B3GALT1: variants seen among roughly 807,000 people sequenced by gnomAD.
B3GALT1 encodes UDP-Gal:betaGlcNAc beta 1,3-galactosyltransferase, polypeptide 1.
A neutral mutation model predicts 23.2 loss-of-function variants in B3GALT1; 10 were observed. That is an observed-to-expected ratio of 0.43 (90% CI 0.27 to 0.73). B3GALT1 has a LOEUF of 0.73. B3GALT1 is among the 30% of genes least tolerant of loss of function. The pLI, the probability that B3GALT1 is intolerant of heterozygous loss-of-function variation, is 0.21. For missense variants in B3GALT1, 299 were observed against 405.4 expected, an observed-to-expected ratio of 0.74 and a Z score of 2.25; for synonymous variants, 156 against 141.5, an observed-to-expected ratio of 1.10 and a Z score of -0.73.
In B3GALT1 at chr2:167,331,592, G is replaced by A. The variant is rs142881718; in HGVS notation, c.-511+38258G>A. ...TGAGTGGGCCTGGCCTCAGACCCCA[G>A]GAGGCATGCTTAGGTGCTACCACTA... On this transcript the variant is annotated intron_variant, in intron 1 of 4. Transcript: ENST00000392690. 5.0e-3 allele frequency among the ~76,000 whole-genome samples: 760 copies of A among 152,278 alleles called. 4 individuals carry two copies. The highest frequency in any genetic ancestry group is 0.017 in the African/African-American group (715 of 41,552).
chr2:167,525,383 TTTA>T (rs566173364), intron 2 of B3GALT1, among the ~76,000 whole-genome samples: 172 of 152,126 alleles, frequency 1.1e-3, no homozygotes, highest in African/African-American at 4.0e-3. Context: ...ACATTTCACA[TTTA>T]TTATTCTTTA....
At chr2:167,441,957 C>T (rs1365236622) in intron 1 of B3GALT1, among the ~76,000 whole-genome samples, 2 of 151,656 alleles carry the variant, frequency 1.3e-5, no homozygotes, top group African/African-American at 4.9e-5. Context: ...TATACATGTG[C>T]CATGCTGGTG....
chr2:167,767,698 T>A, intron 3 of B3GALT1, among the ~76,000 whole-genome samples: 1 of 152,200 alleles, frequency 6.6e-6, no homozygotes, highest in East Asian at 1.9e-4. Flanking sequence ...GAATTTAGCC[T>A]TAATTAAGTA....
intron 3 of B3GALT1, among the ~76,000 whole-genome samples, chr2:167,812,376 G>T (rs114546625): frequency 0.012 from 1,770 of 152,310 alleles, 24 homozygotes; most frequent in Middle Eastern, 0.041. Flanking sequence ...GAGACCTAAA[G>T]CTGTATGTAA....
intron 1 of B3GALT1, among the ~76,000 whole-genome samples, chr2:167,427,651 C>T (rs753767434): frequency 2.0e-5 from 3 of 152,194 alleles, no homozygotes; most frequent in Non-Finnish European, 4.4e-5. Flanking sequence ...ATCCTCCCCT[C>T]TCAGCCTCCT....
intron 3 of B3GALT1, among the ~76,000 whole-genome samples, chr2:167,671,839 A>G (rs554358007): frequency 6.6e-6 from 1 of 152,248 alleles, no homozygotes; most frequent in South Asian, 2.1e-4. Context: ...GATTGACAAA[A>G]CTAAAAGTTG....
intron 1 of B3GALT1, among the ~76,000 whole-genome samples, chr2:167,441,465 G>A (rs1186782937): frequency 6.6e-6 from 1 of 152,110 alleles, no homozygotes; most frequent in Non-Finnish European, 1.5e-5. Context: ...CTTCTGAGAA[G>A]GCTCATTTTT....
chr2:167,334,788 A>G (rs761643172), intron 1 of B3GALT1, among the ~76,000 whole-genome samples: 1 of 152,150 alleles, frequency 6.6e-6, no homozygotes, highest in Non-Finnish European at 1.5e-5. Context: ...CTATAACCAA[A>G]AGTTTATTTA....
In B3GALT1 at chr2:167,412,941, A is replaced by G. The variant is rs181422123; in HGVS notation, c.-510-77236A>G. On this transcript the variant is annotated intron_variant, in intron 1 of 4. Transcript: ENST00000392690. ...AAACTTAATGGATCTCACCAGCACA[A>G]TGTTGAACAAAAGACATTATACACA... Among the ~76,000 whole-genome samples the G allele has an allele frequency of 3.0e-3, 451 of 152,222 alleles. 9 individuals are homozygous for G. The highest frequency in any genetic ancestry group is 4.9e-4 in the Non-Finnish European group (33 of 67,946).
chr2:167,568,055 G>T (rs1316770693), intron 2 of B3GALT1, among the ~76,000 whole-genome samples: 1 of 151,944 alleles, frequency 6.6e-6, no homozygotes, highest in Non-Finnish European at 1.5e-5. Flanking sequence ...TCTTTTCATG[G>T]CTCAATAGTT....
chr2:167,379,617 G>T lies in B3GALT1; in HGVS notation c.-511+86283G>T, dbSNP rs1430723506. Among the ~76,000 whole-genome samples, 4 of 152,252 alleles carry T rather than the reference G, an allele frequency of 2.6e-5. No individual in the cohort carries two copies. The East Asian group carries it at 7.8e-4, about 30-fold the overall frequency. ...AGTTGGCTACAGGCAATGTGGCTGG[G>T]CATGTATTTGATTCTTGTTTACTGG... is the stretch of plus-strand genomic sequence containing the variant. On this transcript the variant is annotated intron_variant, in intron 1 of 4. Coordinates refer to ENST00000392690, the MANE Select transcript of B3GALT1 (RefSeq NM_020981.4).
chr2:167,441,836 C>T, intron 1 of B3GALT1, among the ~76,000 whole-genome samples: 1 of 151,044 alleles, frequency 6.6e-6, no homozygotes, highest in Non-Finnish European at 1.5e-5. Flanking sequence ...AAGCCCAGGC[C>T]AGACAGCATA....
intron 1 of B3GALT1, among the ~76,000 whole-genome samples, chr2:167,352,731 AAAAAC>A (rs1192518681): frequency 9.2e-5 from 4 of 43,480 alleles, no homozygotes; most frequent in East Asian, 2.1e-3. Flanking sequence ...AAAAAGAAAA[AAAAAC>A]AAACAAACTG....
intron 3 of B3GALT1, among the ~76,000 whole-genome samples, chr2:167,745,581 T>C (rs1359168689): frequency 6.6e-6 from 1 of 152,184 alleles, no homozygotes; most frequent in African/African-American, 2.4e-5. Context: ...TTTAAAACTA[T>C]TTTTTTCTCA....
At chr2:167,475,847 G>A (rs1699477668) in intron 1 of B3GALT1, among the ~76,000 whole-genome samples, 1 of 152,212 alleles carries the variant, frequency 6.6e-6, no homozygotes, top group Admixed American at 6.5e-5. Flanking sequence ...GGGAGAATAT[G>A]TTCCAGGCCT....
chr2:167,463,476 C>A (rs942996812), intron 1 of B3GALT1, among the ~76,000 whole-genome samples: 3 of 152,092 alleles, frequency 2.0e-5, no homozygotes, highest in Non-Finnish European at 2.9e-5. Flanking sequence ...ATTCTTCTTA[C>A]AAACCCAAGG....
chr2:167,562,540 T>C (rs984307870), intron 2 of B3GALT1, among the ~76,000 whole-genome samples: 19 of 152,218 alleles, frequency 1.2e-4, no homozygotes, highest in Admixed American at 9.2e-4. Flanking sequence ...GATGACATGA[T>C]TGTATATCTA....
At chr2:167,293,886 A>C (rs1298037080) in intron 1 of B3GALT1, among the ~76,000 whole-genome samples, 1 of 141,490 alleles carries the variant, frequency 7.1e-6, no homozygotes, top group East Asian at 2.3e-4. Context: ...AGAGAGGGAA[A>C]AGTAACTGTT....
intron 3 of B3GALT1, among the ~76,000 whole-genome samples, chr2:167,721,457 AT>A (rs886554394): frequency 4.0e-5 from 6 of 151,846 alleles, no homozygotes; most frequent in Middle Eastern, 3.4e-3. Context: ...TATAAGTTAG[AT>A]TTTTTTTTCC....
Sources: allele counts gnomAD v4.1 joint callset (sites outside exome capture counted in the v4.1 genomes callset), GRCh38; gene constraint gnomAD v4.1.1; transcripts MANE v1.5; gene names NCBI Gene and HGNC (gene_info 2026-07-23, HGNC 2026-07-21).